Variants in SLC6A13 observed in about 807,000 individuals in gnomAD.
SLC6A13 encodes the protein sodium- and chloride-dependent GABA transporter 2.
A neutral mutation model predicts 72.9 loss-of-function variants in SLC6A13; 69 were observed. The observed-to-expected ratio is 0.95, with a 90% CI of 0.78 to 1.16. The LOEUF (loss-of-function observed/expected upper bound fraction) is 1.16, where lower values mean the gene tolerates loss of function less well. SLC6A13 is among the 50% of genes most tolerant of loss of function. The probability of loss-of-function intolerance (pLI) is 0.00; values close to 1 mark genes in which losing one functional copy is unlikely to be tolerated. For missense variants in SLC6A13, 735 were observed against 760.5 expected, an observed-to-expected ratio of 0.97 and a Z score of 0.39; for synonymous variants, 303 against 303.0, an observed-to-expected ratio of 1.00 and a Z score of 0.00.
intron 2 of SLC6A13, among the ~76,000 whole-genome samples, chr12:257,010 C>T (rs1942769228): frequency 6.6e-6 from 1 of 152,260 alleles, no homozygotes; most frequent in African/African-American, 2.4e-5. Context: ...TCTCCATTCT[C>T]CCCAGCCTCC....
chr12:262,368 TGATA>T (rs1417484100), intron 1 of SLC6A13, among the ~76,000 whole-genome samples: 3 of 152,216 alleles, frequency 2.0e-5, no homozygotes, highest in African/African-American at 7.2e-5. Context: ...AAAGTGGGGA[TGATA>T]GATAGGATAT....
chr12:243,848 A>T, intron 2 of SLC6A13, 35 bp from the exon 3 acceptor site: 1 of 1,606,432 alleles, frequency 6.2e-7, no homozygotes, highest in Non-Finnish European at 8.5e-7. Context: ...ATTTCCTGGG[A>T]CTATTCTCCT....
At chr12:234,796 G>T (rs1381028943) in intron 7 of SLC6A13, among the ~76,000 whole-genome samples, 1 of 152,190 alleles carries the variant, frequency 6.6e-6, no homozygotes, top group Non-Finnish European at 1.5e-5. Context: ...GGGATTACAG[G>T]CATGAGCCAC....
intron 7 of SLC6A13, among the ~76,000 whole-genome samples, chr12:231,167 C>T (rs1941693291): frequency 6.6e-6 from 1 of 152,200 alleles, no homozygotes; most frequent in Admixed American, 6.5e-5. Flanking sequence ...CACGCTCCAG[C>T]AGAGCCCTGG....
chr12:248,547 G>C (rs1860878091), intron 2 of SLC6A13, among the ~76,000 whole-genome samples: 1 of 152,072 alleles, frequency 6.6e-6, no homozygotes, highest in African/African-American at 2.4e-5. Context: ...ATGATTAAAG[G>C]GTCAATTAAT....
At position 220,994 on chromosome 12, in the gene SLC6A13, G is replaced by T; in HGVS notation, c.1763C>A (p.Pro588His). ...NPAGPSAPATPRTSLLRLTEL... is the reference protein window; with the variant it reads ...NPAGPSAPATHRTSLLRLTEL... The stretch of plus-strand genomic sequence containing the variant: ...TGTGAGTCTGAGCAGTGAGGTCCTG[G>T]GGGTGGCGGGAGCCGAGGGTCCTGC... Residue 588 changes from proline (P) to histidine (H), a missense_variant, in exon 15 of 15, where the codon CCC (proline) becomes CAC (histidine). By Grantham distance (77) the Pro-to-His change is moderately conservative (BLOSUM62 -2). Transcript: ENST00000343164. 4 of 1,612,860 alleles carry T rather than the reference G, an allele frequency of 2.5e-6. No individual in the cohort carries two copies. The highest frequency in any genetic ancestry group is 2.5e-6 in the Non-Finnish European group (3 of 1,179,868).
chr12:224,362 CA>C (rs759231866), intron 10 of SLC6A13, 38 bp downstream of exon 10: 1 of 1,541,350 alleles, frequency 6.5e-7, no homozygotes, highest in Non-Finnish European at 9.0e-7. Flanking sequence ...CACACCCCCC[CA>C]CTCATCTCTC....
At chr12:222,461 C>A in intron 13 of SLC6A13, 71 bp downstream of exon 13, 1 of 888,282 alleles carries the variant, frequency 1.1e-6, no homozygotes, top group South Asian at 1.6e-5. Flanking sequence ...GCAGGGCTAA[C>A]GGCTTCTCTA....
chr12:224,321 G>T, intron 10 of SLC6A13, 80 bp downstream of exon 10: 1 of 1,400,424 alleles, frequency 7.1e-7, no homozygotes, highest in South Asian at 1.2e-5. Context: ...ATCCACTTCT[G>T]ACATTCACCC....
Position 227,616 on chromosome 12 carries a change from C to T in SLC6A13, c.884G>A (p.Gly295Glu), listed in dbSNP as rs772113673. 8 of 1,613,772 alleles carry T rather than the reference C, an allele frequency of 5.0e-6. No individual in the cohort carries two copies. The change falls in exon 8 of 15, where the codon GGG becomes GAG. Residue 295 changes from glycine to glutamate, a missense_variant. By Grantham distance (98) the Gly-to-Glu change is moderately conservative. Transcript: ENST00000343164. Reference protein sequence around the residue: ...QIFFSFAICLGCLTALGSYNK... With the variant: ...QIFFSFAICLECLTALGSYNK... ...GTAGCTGCCCAGGGCTGTCAGGCAC[C>T]CAAGACAGATGGCGAAGGAGAAGAA...
intron 4 of SLC6A13, chr12:238,371 T>C (rs1388725406): frequency 7.7e-7 from 1 of 1,301,748 alleles, no homozygotes; most frequent in South Asian, 1.2e-5. Context: ...AGGGAAGTGA[T>C]GTGTCAGAGT....
chr12:242,192 G>T (rs1942189428), intron 4 of SLC6A13, among the ~76,000 whole-genome samples: 1 of 152,138 alleles, frequency 6.6e-6, no homozygotes, highest in Admixed American at 6.5e-5. Flanking sequence ...GATCTGAACT[G>T]TGCGGGTCCA....
intron 7 of SLC6A13, 39 bp downstream of exon 7, chr12:235,051 C>T: frequency 6.2e-7 from 1 of 1,613,340 alleles, no homozygotes. Flanking sequence ...CTCAGTTGCC[C>T]TGGGAGTCAC....
chr12:235,046 T>G (rs1336477570), intron 7 of SLC6A13, 44 bp downstream of exon 7: 1 of 1,612,550 alleles, frequency 6.2e-7, no homozygotes, highest in Non-Finnish European at 8.5e-7. Flanking sequence ...TGAAGCTCAG[T>G]TGCCCTGGGA....
chr12:223,835 CTTTGTCGTTCCT>C, intron 11 of SLC6A13, 145 bp downstream of exon 11: 1 of 797,964 alleles, frequency 1.3e-6, no homozygotes, highest in Non-Finnish European at 2.0e-6. Context: ...GACCTGCCTA[CTTTGTCGTTCCT>C]GGGATGGGGA....
At chr12:243,625 A>G in intron 3 of SLC6A13, 54 bp downstream of exon 3, 1 of 1,564,702 alleles carries the variant, frequency 6.4e-7, no homozygotes, top group South Asian at 1.2e-5. Flanking sequence ...CATTCCAAAC[A>G]AGGTTTATAA....
intron 4 of SLC6A13, chr12:238,323 C>T (rs748502738): frequency 2.7e-5 from 36 of 1,357,194 alleles, no homozygotes; most frequent in Non-Finnish European, 3.1e-5. Context: ...TCTATGTAAG[C>T]GTCCTGTGCA....
intron 1 of SLC6A13, among the ~76,000 whole-genome samples, chr12:260,875 A>G (rs537543774): frequency 6.6e-6 from 1 of 152,308 alleles, no homozygotes; most frequent in South Asian, 2.1e-4. Flanking sequence ...CTACAATTAC[A>G]TCAAAAATGT....
rs1348158037 is a variant in SLC6A13, at chr12:247,608, G to T, written c.203-3795C>A. On this transcript the variant is annotated intron_variant, in intron 2 of 14. Transcript: ENST00000343164. ...CAGAAATGTGGAAGAAACTCCTTCA[G>T]GGAGAATGAAATGATATCACCAGAT... Among the ~76,000 whole-genome samples the T allele has an allele frequency of 3.3e-5, 5 of 152,118 alleles. No homozygotes were observed. The East Asian group carries it at 9.6e-4, about 29-fold the overall frequency.
Sources: allele counts gnomAD v4.1 joint callset (sites outside exome capture counted in the v4.1 genomes callset), GRCh38; gene constraint gnomAD v4.1.1; transcripts MANE v1.5; gene names NCBI Gene and HGNC (gene_info 2026-07-23, HGNC 2026-07-21).